Variants in BNC2 observed in about 807,000 individuals in gnomAD.
BNC2 encodes the protein zinc finger protein basonuclin-2.
A neutral mutation model predicts 76.3 loss-of-function variants in BNC2; 20 were observed. That is an observed-to-expected ratio of 0.26 (90% CI 0.18 to 0.38). The LOEUF is 0.38. Among genes scored for constraint, BNC2 ranks in the 10% least tolerant of loss-of-function variants. BNC2 has a pLI of 1.00. For synonymous variants in BNC2, 582 were observed against 514.8 expected (o/e 1.13, Z -1.77); for missense variants, 1,382 against 1,399.8 (o/e 0.99, Z 0.20).
intron 1 of BNC2, among the ~76,000 whole-genome samples, chr9:16,758,279 A>C (rs1825446547): frequency 6.6e-6 from 1 of 152,120 alleles, no homozygotes; most frequent in Non-Finnish European, 1.5e-5. Flanking sequence ...TCCACCTAGA[A>C]AATCCAGGAA....
chr9:16,514,297 A>C (rs901058391), intron 5 of BNC2, among the ~76,000 whole-genome samples: 2 of 152,232 alleles, frequency 1.3e-5, no homozygotes, highest in Admixed American at 1.3e-4. Context: ...CAAAGAATAA[A>C]TGTACTCTCT....
intron 3 of BNC2, among the ~76,000 whole-genome samples, chr9:16,620,133 T>C (rs1425158616): frequency 1.3e-5 from 2 of 152,148 alleles, no homozygotes; most frequent in Non-Finnish European, 2.9e-5. Flanking sequence ...AGAGCTAAAT[T>C]CAATGAAGCT....
intron 4 of BNC2, among the ~76,000 whole-genome samples, chr9:16,556,219 G>A (rs1023427596): frequency 6.6e-6 from 1 of 151,892 alleles, no homozygotes; most frequent in African/African-American, 2.4e-5. Flanking sequence ...GGGCCCTGGG[G>A]GTCAAGGCTG....
At chr9:16,860,427 T>C (rs1819368628) in intron 1 of BNC2, among the ~76,000 whole-genome samples, 1 of 152,078 alleles carries the variant, frequency 6.6e-6, no homozygotes, top group African/African-American at 2.4e-5. Context: ...CCCAGACACC[T>C]CAATGGAGAA....
chr9:16,841,537 T>C (rs1386824928), intron 1 of BNC2, among the ~76,000 whole-genome samples: 1 of 5,958 alleles, frequency 1.7e-4, no homozygotes, highest in Admixed American at 3.2e-3. Context: ...CAAAAGCTAA[T>C]CAAACCAGGG....
chr9:16,684,635 T>C (rs1336869286), intron 3 of BNC2, among the ~76,000 whole-genome samples: 2 of 151,996 alleles, frequency 1.3e-5, no homozygotes, highest in Non-Finnish European at 2.9e-5. Flanking sequence ...CTTATAAGCC[T>C]GAAAATTTAG....
intron 3 of BNC2, among the ~76,000 whole-genome samples, chr9:16,603,596 T>A (rs1320929755): frequency 6.6e-6 from 1 of 152,138 alleles, no homozygotes; most frequent in Non-Finnish European, 1.5e-5. Context: ...AATGCCATAA[T>A]AAAGACTCAA....
intron 1 of BNC2, among the ~76,000 whole-genome samples, chr9:16,799,419 A>C (rs928391832): frequency 5.3e-5 from 8 of 152,126 alleles, no homozygotes; most frequent in South Asian, 2.1e-4. Context: ...GATTCAAGCC[A>C]TTCTCCTGCC....
At chr9:16,432,218 T>A (rs1416218898) in intron 6 of BNC2, among the ~76,000 whole-genome samples, 1 of 152,208 alleles carries the variant, frequency 6.6e-6, no homozygotes, top group Non-Finnish European at 1.5e-5. Context: ...TAGAAAAGAA[T>A]AGCTTTGACA....
At chr9:16,646,452 C>T (rs1334274512) in intron 3 of BNC2, among the ~76,000 whole-genome samples, 1 of 152,046 alleles carries the variant, frequency 6.6e-6, no homozygotes, top group Non-Finnish European at 1.5e-5. Flanking sequence ...TACTAATACA[C>T]ACAACAATAT....
chr9:16,692,932 C>G (rs1216205663), intron 3 of BNC2, among the ~76,000 whole-genome samples: 1 of 152,040 alleles, frequency 6.6e-6, no homozygotes, highest in Admixed American at 6.6e-5. Flanking sequence ...GAATTCGACA[C>G]TAGCCTGGCC....
At chr9:16,659,150 G>C (rs115022473) in intron 3 of BNC2, among the ~76,000 whole-genome samples, 2 of 98,526 alleles carry the variant, frequency 2.0e-5, no homozygotes, top group Non-Finnish European at 4.4e-5. Flanking sequence ...TGGATGGCGG[G>C]GGGGGGCATG....
chr9:16,607,246 C>A (rs904069057), intron 3 of BNC2, among the ~76,000 whole-genome samples: 1 of 152,046 alleles, frequency 6.6e-6, no homozygotes, highest in Non-Finnish European at 1.5e-5. Context: ...GCTGTGGTAT[C>A]CAGTTTTAAA....
At chr9:16,792,244 C>G (rs1481991831) in intron 1 of BNC2, among the ~76,000 whole-genome samples, 1 of 23,830 alleles carries the variant, frequency 4.2e-5, no homozygotes, top group Non-Finnish European at 1.1e-4. Flanking sequence ...ATTATAACCC[C>G]CATTCAGAAT....
At chr9:16,698,499 T>C (rs745935230) in intron 3 of BNC2, among the ~76,000 whole-genome samples, 13 of 152,186 alleles carry the variant, frequency 8.5e-5, no homozygotes, top group Non-Finnish European at 1.5e-4. Flanking sequence ...GAGATCAGCC[T>C]GACCAACATG....
At chr9:16,626,297 C>A (rs1352953727) in intron 3 of BNC2, 1 of 152,118 alleles carries the variant, frequency 6.6e-6, no homozygotes, top group East Asian at 1.9e-4. Context: ...CATGACATTG[C>A]TGAATGAAAG....
intron 3 of BNC2, among the ~76,000 whole-genome samples, chr9:16,588,632 T>G (rs1162384494): frequency 6.6e-6 from 1 of 152,190 alleles, no homozygotes; most frequent in African/African-American, 2.4e-5. Flanking sequence ...GAAGAATAAT[T>G]TAGTAAAAAA....
intron 3 of BNC2, among the ~76,000 whole-genome samples, chr9:16,713,223 T>G (rs1375802372): frequency 6.6e-6 from 1 of 152,176 alleles, no homozygotes; most frequent in Non-Finnish European, 1.5e-5. Flanking sequence ...ATCAATGTCT[T>G]GAGCCCTAGG....
At chr9:16,520,123 C>T (rs527813708) in intron 5 of BNC2, among the ~76,000 whole-genome samples, 5 of 152,202 alleles carry the variant, frequency 3.3e-5, no homozygotes, top group African/African-American at 9.6e-5. Context: ...TAAATGCACA[C>T]GCACAGTAGT....
Sources: allele counts gnomAD v4.1 joint callset (sites outside exome capture counted in the v4.1 genomes callset), GRCh38; gene constraint gnomAD v4.1.1; transcripts MANE v1.5; gene names NCBI Gene and HGNC (gene_info 2026-07-23, HGNC 2026-07-21).